The following VCL variants were observed in gnomAD, a reference collection of about 807,000 sequenced individuals.
VCL encodes the protein vinculin, also known as epididymis luminal protein 114.
A neutral mutation model predicts 125.7 loss-of-function variants in VCL; 47 were observed. That is an observed-to-expected ratio of 0.37 (90% CI 0.30 to 0.48). The LOEUF (loss-of-function observed/expected upper bound fraction) is 0.48, where lower values mean the gene tolerates loss of function less well. Among genes scored for constraint, VCL ranks in the 20% least tolerant of loss-of-function variants. VCL has a pLI of 0.99. For missense variants in VCL, 1,069 were observed against 1,455.5 expected (o/e 0.73, Z 4.32); for synonymous variants, 458 against 514.6 (o/e 0.89, Z 1.49).
At chr10:74,066,049 A>G (rs1841564047) in intron 2 of VCL, among the ~76,000 whole-genome samples, 1 of 139,266 alleles carries the variant, frequency 7.2e-6, no homozygotes, top group Non-Finnish European at 1.5e-5. Flanking sequence ...CAATTTTGGT[A>G]TATATATATA....
At chr10:74,077,813 A>G (rs2136277371) in intron 6 of VCL, 1 of 448,036 alleles carries the variant, frequency 2.2e-6, no homozygotes. Context: ...TAAAGAGGCA[A>G]TGCAATAACT....
intron 1 of VCL, among the ~76,000 whole-genome samples, chr10:74,003,928 CAA>C (rs1840274247): frequency 6.6e-6 from 1 of 152,026 alleles, no homozygotes; most frequent in South Asian, 2.1e-4. Context: ...ACTATATTTC[CAA>C]GGCTGGTCTT....
chr10:74,062,277 CT>C (rs1214225292), intron 2 of VCL, among the ~76,000 whole-genome samples: 2 of 151,554 alleles, frequency 1.3e-5, no homozygotes, highest in Non-Finnish European at 2.9e-5. Flanking sequence ...GCTGCCCAGG[CT>C]GGTCTTGAAC....
At chr10:74,057,420 G>A (rs1051957841) in intron 2 of VCL, among the ~76,000 whole-genome samples, 36 of 152,188 alleles carry the variant, frequency 2.4e-4, no homozygotes, top group African/African-American at 8.7e-4. Context: ...AATATCTAAT[G>A]AAGGGATAAT....
intron 17 of VCL, among the ~76,000 whole-genome samples, chr10:74,107,559 G>A (rs1034874529): frequency 2.0e-5 from 3 of 152,154 alleles, no homozygotes; most frequent in African/African-American, 7.2e-5. Flanking sequence ...TTGTGTGTGT[G>A]TGTGTAGTAC....
At chr10:74,043,224 T>G (rs1168272511) in intron 2 of VCL, 71 bp downstream of exon 2, 2 of 1,372,300 alleles carry the variant, frequency 1.5e-6, no homozygotes, top group Non-Finnish European at 2.1e-6. Context: ...AGTAGCTGAT[T>G]TCAGTAACAA....
intron 2 of VCL, among the ~76,000 whole-genome samples, chr10:74,045,146 G>A (rs1841173623): frequency 6.6e-6 from 1 of 152,044 alleles, no homozygotes; most frequent in Admixed American, 6.6e-5. Flanking sequence ...ACTCCAGCCT[G>A]GGTGACAGGG....
chr10:74,023,409 A>G lies in VCL; in HGVS notation c.169-19674A>G, dbSNP rs1448874439. Reference sequence around the variant, plus strand: ...TAAGTATACTCTATGATGTTCACACAATGACAAAATTGTCTAAAAGCACAT... The same window carrying G: ...TAAGTATACTCTATGATGTTCACACGATGACAAAATTGTCTAAAAGCACAT... On this transcript the variant is annotated intron_variant, in intron 1 of 21. Transcript: ENST00000211998. Among the ~76,000 whole-genome samples, 7 of 152,378 alleles carry G rather than the reference A, an allele frequency of 4.6e-5. No individual in the cohort carries two copies. In the East Asian group the frequency reaches 1.3e-3, roughly 29 times the overall value.
intron 1 of VCL, among the ~76,000 whole-genome samples, chr10:74,009,714 G>A (rs1047004537): frequency 6.7e-6 from 1 of 150,198 alleles, no homozygotes; most frequent in Admixed American, 6.6e-5. Flanking sequence ...GGTTCAAGCA[G>A]TTCTCCTGTT....
intron 1 of VCL, among the ~76,000 whole-genome samples, chr10:74,040,218 C>G (rs1841067579): frequency 6.6e-6 from 1 of 152,216 alleles, no homozygotes; most frequent in Admixed American, 6.5e-5. Context: ...ACTTGACTCT[C>G]TGTCTCTCCC....
At chr10:74,006,970 T>A (rs908827510) in intron 1 of VCL, among the ~76,000 whole-genome samples, 44 of 152,282 alleles carry the variant, frequency 2.9e-4, no homozygotes, top group African/African-American at 1.0e-3. Context: ...TATTTTTATT[T>A]ATTTATTTAT....
At chr10:74,049,341 C>T (rs1195033653) in intron 2 of VCL, among the ~76,000 whole-genome samples, 1 of 151,948 alleles carries the variant, frequency 6.6e-6, no homozygotes, top group Admixed American at 6.6e-5. Flanking sequence ...ATGCCATAAA[C>T]TTGAGTTTTA....
chr10:74,051,104 C>T (rs1841290914), intron 2 of VCL, among the ~76,000 whole-genome samples: 1 of 150,762 alleles, frequency 6.6e-6, no homozygotes, highest in African/African-American at 2.4e-5. Context: ...CATGCCTGGT[C>T]AATTTTTGCA....
intron 2 of VCL, among the ~76,000 whole-genome samples, chr10:74,050,298 A>G (rs1010382906): frequency 1.3e-5 from 2 of 152,214 alleles, no homozygotes; most frequent in Admixed American, 6.5e-5. Context: ...GAATAAAAGA[A>G]TGTTCCCAAA....
chr10:74,067,071 T>A (rs1841581269), intron 2 of VCL, among the ~76,000 whole-genome samples: 1 of 152,078 alleles, frequency 6.6e-6, no homozygotes, highest in Admixed American at 6.6e-5. Flanking sequence ...ACTATGAAAA[T>A]CCTCAACCTC....
chr10:74,045,628 A>AG (rs1841185379), intron 2 of VCL, among the ~76,000 whole-genome samples: 1 of 151,768 alleles, frequency 6.6e-6, no homozygotes, highest in South Asian at 2.1e-4. Flanking sequence ...GTCTCAAAAA[A>AG]AAAAAAAAAA....
At chr10:74,000,308 C>T (rs1260539789) in intron 1 of VCL, among the ~76,000 whole-genome samples, 2 of 138,964 alleles carry the variant, frequency 1.4e-5, no homozygotes, top group African/African-American at 2.7e-5. Context: ...GTCACGCAGG[C>T]GCTGGAGTGC....
At chr10:74,115,267 G>T (rs1840293641) in intron 21 of VCL, among the ~76,000 whole-genome samples, 1 of 152,102 alleles carries the variant, frequency 6.6e-6, no homozygotes, top group South Asian at 2.1e-4. Flanking sequence ...TGGGAGCCAG[G>T]TGTGGTGGTG....
chr10:74,077,631 C>G, intron 6 of VCL: 1 of 436,346 alleles, frequency 2.3e-6, no homozygotes, highest in Admixed American at 2.6e-5. Flanking sequence ...TCTTTCACCT[C>G]TTCTCGCCCC....
Sources: gnomAD v4.1 joint callset for allele counts (sites outside exome capture counted in the v4.1 genomes callset) on GRCh38, gnomAD v4.1.1 for gene constraint, MANE v1.5 for transcripts, NCBI Gene and HGNC (gene_info 2026-07-23, HGNC 2026-07-21) for gene names.